Variants in ZBTB21 observed in about 807,000 individuals in gnomAD.
The protein encoded by ZBTB21 is zinc finger and BTB domain-containing protein 21.
In ZBTB21, 10 loss-of-function variants were observed where a neutral mutation model predicts 39.8. The observed-to-expected ratio is 0.25, with a 90% CI of 0.16 to 0.43. The LOEUF is 0.43. Among genes scored for constraint, ZBTB21 ranks in the 20% least tolerant of loss-of-function variants. ZBTB21 has a pLI of 1.00. For synonymous variants in ZBTB21, 551 were observed against 498.8 expected (o/e 1.10, Z -1.40); for missense variants, 1,221 against 1,296.3 (o/e 0.94, Z 0.89).
In ZBTB21 at chr21:41,990,950, T is replaced by C; in HGVS notation, c.3146A>G (p.His1049Arg). The change falls in exon 3 of 3, where the codon CAC becomes CGC. Residue 1049 changes from histidine (H) to arginine (R), a missense_variant. His to Arg is a conservative substitution (Grantham distance 29, BLOSUM62 0). Coordinates refer to ENST00000310826, the MANE Select transcript of ZBTB21 (RefSeq NM_001098402.2). ...FKRQFMCKLCHRTFKTAFSLW... is the reference protein window; with the variant it reads ...FKRQFMCKLCRRTFKTAFSLW... ...ACTAAATGCAGTCTTGAATGTCCTG[T>C]GGCAAAGTTTACACATAAACTGTCT... The C allele has an allele frequency of 6.6e-7, 1 of 1,515,216 alleles. No individual in the cohort carries two copies. Among genetic ancestry groups the C allele is most frequent in the Non-Finnish European group, 8.8e-7 (1 of 1,133,326 alleles). 93.9% of individuals were successfully genotyped at this position (1,515,216 alleles called of 1,614,324 possible). A position where few individuals can be genotyped will look rare whatever the true frequency, so the allele number is the denominator to read the frequency against.
Position 41,988,902 on chromosome 21 carries a change from C to G in ZBTB21, c.*1993G>C, listed in dbSNP as rs1057153152. ...TTATCACCGATAGATACTCTAATGG[C>G]CATGTAGGTGATGATTACTCAGGGA... On this transcript the variant is annotated 3_prime_UTR_variant, in exon 3 of 3. Coordinates refer to ENST00000310826, the MANE Select transcript of ZBTB21 (RefSeq NM_001098402.2). 7.2e-5 allele frequency: 11 copies of G among 152,002 alleles called. No individual in the cohort carries two copies. The highest frequency in any genetic ancestry group is 2.4e-4 in the African/African-American group (10 of 41,370). 9.4% of individuals were successfully genotyped at this position (152,002 alleles called of 1,614,324 possible).
Position 41,992,698 on chromosome 21 carries a change from C to A in ZBTB21, c.1398G>T (p.Leu466=), listed in dbSNP as rs758790052. The A allele has an allele frequency of 2.5e-6, 4 of 1,614,090 alleles. No individual in the cohort carries two copies. The highest frequency in any genetic ancestry group is 3.4e-6 in the Non-Finnish European group (4 of 1,180,048). ...TTTGGTCATCTTCTGTTTTCAGAGA[C>A]AGGTCTCTTGTGACCGACGAAGATG... ...AASSSSVTRD[L]SLKTEDDQKD... Residue 466 remains leucine (L), a synonymous_variant, in exon 3 of 3, where the codon CTG becomes CTT. Coordinates refer to ENST00000310826, the MANE Select transcript of ZBTB21 (RefSeq NM_001098402.2). The surrounding 1 kb of genome is among the most constrained non-coding windows in gnomAD (Gnocchi z 4.1).
chr21:41,990,872 CATAGGTA>C lies in ZBTB21; in HGVS notation c.*16_*22del. ...AGGTTGAAATCTGGGGACTGCCTCC[CATAGGTA>C]AAAAGTGTTGGTCTTTCAATTGTGT... is the stretch of plus-strand genomic sequence containing the variant. On this transcript the variant is annotated 3_prime_UTR_variant, in exon 3 of 3. Transcript: ENST00000310826. The C allele has an allele frequency of 2.8e-6, 4 of 1,422,258 alleles. No homozygotes were observed. Among genetic ancestry groups the C allele is most frequent in the Non-Finnish European group, 3.7e-6 (4 of 1,085,656 alleles). The allele number at this position is 1,422,258 out of a possible 1,614,324, so 88.1% of individuals were successfully genotyped here. A position where few individuals can be genotyped will look rare whatever the true frequency, so the allele number is the denominator to read the frequency against.
intron 1 of ZBTB21, among the ~76,000 whole-genome samples, chr21:42,004,065 T>A (rs112089075): frequency 6.6e-6 from 1 of 151,086 alleles, no homozygotes; most frequent in Non-Finnish European, 1.5e-5. Context: ...AGTGGCATGA[T>A]CTTGGCTCAC....
chr21:41,991,940 T>TGG lies in ZBTB21; in HGVS notation c.2155_2156insCC (p.Lys719ThrfsTer18). The TGG allele has an allele frequency of 1.2e-6, 2 of 1,614,062 alleles. No individual in the cohort carries two copies. The highest frequency in any genetic ancestry group is 1.7e-6 in the Non-Finnish European group (2 of 1,180,004). ...ACAGAGGCGGCACTGGTAAACCTCC[T>TGG]TGTTTTCTACTGGACTTGCAAGAGG... On this transcript the variant is annotated frameshift_variant, in exon 3 of 3. Transcript: ENST00000310826. LOFTEE classifies it high-confidence loss of function. The surrounding 1 kb of genome is among the most constrained non-coding windows in gnomAD (Gnocchi z 4.9).
intron 1 of ZBTB21, 129 bp downstream of exon 1, chr21:42,010,123 T>A (rs2065943627): frequency 2.6e-6 from 1 of 387,594 alleles, no homozygotes; most frequent in Non-Finnish European, 4.6e-6. Context: ...CGCAACCCGC[T>A]GGTGGAGAAA....
At chr21:42,007,101 T>G (rs1372345636) in intron 1 of ZBTB21, among the ~76,000 whole-genome samples, 1 of 152,268 alleles carries the variant, frequency 6.6e-6, no homozygotes, top group African/African-American at 2.4e-5. Flanking sequence ...ATTTACATGT[T>G]TATTCACTGC....
At position 41,992,951 on chromosome 21, in the gene ZBTB21, T is replaced by C. The variant is rs766805673; in HGVS notation, c.1145A>G (p.Gln382Arg). The part of the protein sequence containing the change: ...APGNVLCALS[Q>R]KSSLKDCSEK... The stretch of plus-strand genomic sequence containing the variant: ...ACTACAATCTTTTAAAGATGACTTC[T>C]GAGATAAAGCACACAACACATTCCC... The change falls in exon 3 of 3, where the codon CAG (glutamine) becomes CGG (arginine). Residue 382 changes from glutamine (Q) to arginine (R), a missense_variant. By Grantham distance (43) the Gln-to-Arg change is conservative. Transcript: ENST00000310826. The surrounding 1 kb of genome is among the most constrained non-coding windows in gnomAD (Gnocchi z 4.1). 18 of 1,614,100 alleles carry C rather than the reference T, an allele frequency of 1.1e-5. No individual in the cohort carries two copies. In the Admixed American group the frequency reaches 3.0e-4, roughly 27 times the overall value.
chr21:41,990,760 C>A lies in ZBTB21; in HGVS notation c.*135G>T. 1.1e-6 allele frequency: 1 copy of A among 879,746 alleles called. No individual in the cohort carries two copies. The highest frequency in any genetic ancestry group is 3.1e-5 in the East Asian group (1 of 32,644). The allele number at this position is 879,746 out of a possible 1,614,324, so 54.5% of individuals were successfully genotyped here. On this transcript the variant is annotated 3_prime_UTR_variant, in exon 3 of 3. Transcript: ENST00000310826. The stretch of plus-strand genomic sequence containing the variant: ...TTACTAAGTAATTATCAATTTGCCT[C>A]CAACTTAATTTCAAGCGTAACAATC...
In ZBTB21 at chr21:41,992,997, A is replaced by G. The variant is rs2065689550; in HGVS notation, c.1099T>C (p.Ser367Pro). 6.2e-7 allele frequency: 1 copy of G among 1,614,224 alleles called. No homozygotes were observed. The highest frequency in any genetic ancestry group is 1.3e-5 in the African/African-American group (1 of 75,056). Residue 367 changes from serine (S) to proline (P), a missense_variant, in exon 3 of 3, where the codon TCG becomes CCG. Physicochemically the swap from Ser to Pro is moderately conservative, Grantham distance 74. This residue lies in a region of ZBTB21 where 500 missense variants were observed against 465.6 expected (regional missense o/e 1.07). Coordinates refer to ENST00000310826, the MANE Select transcript of ZBTB21 (RefSeq NM_001098402.2). The surrounding 1 kb of genome is among the most constrained non-coding windows in gnomAD (Gnocchi z 4.1). ...IDLKSSQGSS[S>P]VSSDAPGNVL... ...TTCCCTGGTGCATCACTGGACACCG[A>G]AGATGATCCCTGGGAAGATTTCAAA...
rs1388273890 is a variant in ZBTB21 at position 41,993,283 on chromosome 21, A to G, written c.813T>C (p.Ala271=). 6.2e-7 allele frequency: 1 copy of G among 1,612,900 alleles called. No individual in the cohort carries two copies. The highest frequency in any genetic ancestry group is 1.1e-5 in the South Asian group (1 of 91,078). Residue 271 remains alanine (A), a synonymous_variant, in exon 3 of 3, where the codon GCT becomes GCC. Transcript: ENST00000310826. ...AAACAGGTGGCCGTGGTCTCTTCAA[A>G]GCCAGCTCTAGAGCTTTTCCTTTTG... is the stretch of plus-strand genomic sequence containing the variant. ...QLPKGKALEL[A]LKRPRPPVLS... is the part of the protein sequence containing the mutation.
At chr21:41,994,889 G>C (rs2065725520) in intron 2 of ZBTB21, among the ~76,000 whole-genome samples, 1 of 152,176 alleles carries the variant, frequency 6.6e-6, no homozygotes, top group African/African-American at 2.4e-5. Context: ...CTCTTCTCAT[G>C]ATAGTAAGCC....
intron 2 of ZBTB21, among the ~76,000 whole-genome samples, chr21:41,996,893 C>T (rs192577469): frequency 2.2e-4 from 34 of 152,258 alleles, no homozygotes; most frequent in African/African-American, 7.2e-4. Context: ...GAGGAGTTCC[C>T]CTGCACAAGT....
Position 41,990,198 on chromosome 21 carries a change from G to T in ZBTB21, c.*697C>A, listed in dbSNP as rs1390194067. 2 of 152,502 alleles carry T rather than the reference G, an allele frequency of 1.3e-5. No homozygotes were observed. The highest frequency in any genetic ancestry group is 4.8e-5 in the African/African-American group (2 of 41,424). The allele number at this position is 152,502 out of a possible 1,614,324, so 9.4% of individuals were successfully genotyped here. A position where few individuals can be genotyped will look rare whatever the true frequency, so the allele number is the denominator to read the frequency against. ...TGACTGTAGGGGACTTCCATAAATTGTTTTCATTTCCCAGGTCTTCCTTAG... is the reference window on the plus strand; with the variant it reads ...TGACTGTAGGGGACTTCCATAAATTTTTTTCATTTCCCAGGTCTTCCTTAG... On this transcript the variant is annotated 3_prime_UTR_variant, in exon 3 of 3. Transcript: ENST00000310826.
In ZBTB21 at chr21:41,992,398, G is replaced by A; in HGVS notation, c.1698C>T (p.Asn566=). 3.7e-6 allele frequency: 6 copies of A among 1,614,230 alleles called. No individual in the cohort carries two copies. Among genetic ancestry groups the A allele is most frequent in the Non-Finnish European group, 1.7e-6 (2 of 1,180,044 alleles). Residue 566 remains asparagine, a synonymous_variant, in exon 3 of 3, where the codon AAC becomes AAT. Transcript: ENST00000310826. This position sits in a 1 kb window ranked among gnomAD's most constrained non-coding sequence, Gnocchi z 4.1. ...RSTAGLHRHV[N]MYHNPEKPYA... ...AGGGCTTTTCTGGGTTATGGTACATGTTAACATGACGGTGAAGACCTGCTG... is the reference window on the plus strand; with the variant it reads ...AGGGCTTTTCTGGGTTATGGTACATATTAACATGACGGTGAAGACCTGCTG...
Position 41,998,791 on chromosome 21 carries a change from C to T in ZBTB21, c.-14+4106G>A, listed in dbSNP as rs144451793. 6.7e-3 allele frequency among the ~76,000 whole-genome samples: 1,020 copies of T among 152,272 alleles called. 11 individuals are homozygous for T. The highest frequency in any genetic ancestry group is 0.022 in the African/African-American group (904 of 41,554). ...CCTGATAAGATGCGACTCAATTTAA[C>T]CGACTGAGACACAGGACTTTGCTTC... On this transcript the variant is annotated intron_variant, in intron 2 of 2. Coordinates refer to ENST00000310826, the MANE Select transcript of ZBTB21 (RefSeq NM_001098402.2).
At chr21:42,010,063 A>T (rs977023657) in intron 1 of ZBTB21, among the ~76,000 whole-genome samples, 189 bp downstream of exon 1, 3 of 152,238 alleles carry the variant, frequency 2.0e-5, no homozygotes, top group African/African-American at 7.2e-5. Flanking sequence ...AACCCGGGAC[A>T]TGCTCGGTGA....
rs961269684 is a variant in ZBTB21 at position 42,010,324 on chromosome 21, C to A, written c.-151G>T. 9 of 396,628 alleles carry A rather than the reference C, an allele frequency of 2.3e-5. No individual in the cohort carries two copies. Among genetic ancestry groups the A allele is most frequent in the Admixed American group, 4.4e-5 (1 of 22,636 alleles). The allele number at this position is 396,628 out of a possible 1,614,324, so 24.6% of individuals were successfully genotyped here. A position where few individuals can be genotyped will look rare whatever the true frequency, so the allele number is the denominator to read the frequency against. On this transcript the variant is annotated 5_prime_UTR_variant, in exon 1 of 3. Coordinates refer to ENST00000310826, the MANE Select transcript of ZBTB21 (RefSeq NM_001098402.2). Reference sequence around the variant, plus strand: ...CGGCTCGCGCGCGCCGCAGCCGCCGCTGCCGCTGTGATTCCATCCATCTTG... The same window carrying A: ...CGGCTCGCGCGCGCCGCAGCCGCCGATGCCGCTGTGATTCCATCCATCTTG...
Position 41,992,924 on chromosome 21 carries a change from T to A in ZBTB21, c.1172A>T (p.Glu391Val), listed in dbSNP as rs2065687708. Reference protein sequence around the residue: ...SQKSSLKDCSEKTALDDRPQV... With the variant: ...SQKSSLKDCSVKTALDDRPQV... ...AGGCCTGTCATCTAGGGCTGTTTTT[T>A]CACTACAATCTTTTAAAGATGACTT... The change falls in exon 3 of 3, where the codon GAA (glutamate) becomes GTA (valine). Residue 391 changes from glutamate to valine, a missense_variant. Transcript: ENST00000310826. The surrounding 1 kb of genome is among the most constrained non-coding windows in gnomAD (Gnocchi z 4.1). 1 of 1,614,102 alleles carries A rather than the reference T, an allele frequency of 6.2e-7. No homozygotes were observed. The highest frequency in any genetic ancestry group is 1.7e-5 in the Admixed American group (1 of 60,016).
Sources: allele counts gnomAD v4.1 joint callset (sites outside exome capture counted in the v4.1 genomes callset), GRCh38; gene constraint gnomAD v4.1.1; regional missense constraint gnomAD v4.1.1; non-coding constraint Gnocchi (gnomAD v3.1); transcripts MANE v1.5; gene names NCBI Gene and HGNC (gene_info 2026-07-23, HGNC 2026-07-21).